BNC2: variants seen among roughly 807,000 people sequenced by gnomAD.
The protein encoded by BNC2 is zinc finger protein basonuclin-2.
BNC2 carries 20 observed loss-of-function variants against 76.3 expected under a neutral mutation model. That is an observed-to-expected ratio of 0.26 (90% CI 0.18 to 0.38). The LOEUF (loss-of-function observed/expected upper bound fraction) is 0.38. BNC2 is among the 10% of genes least tolerant of loss of function. BNC2 has a pLI of 1.00. For synonymous variants in BNC2, 582 were observed against 514.8 expected, an observed-to-expected ratio of 1.13 and a Z score of -1.77; for missense variants, 1,382 against 1,399.8, an observed-to-expected ratio of 0.99 and a Z score of 0.20.
rs1197152424 is a variant in BNC2 at position 16,583,010 on chromosome 9, G to C, written c.406C>G (p.Gln136Glu). Residue 136 changes from glutamine to glutamate, a missense_variant, in exon 4 of 7, where the codon CAG becomes GAG. Gln to Glu is a conservative substitution (Grantham distance 29, BLOSUM62 2). Transcript: ENST00000380672. ...PGKINLRTCDQCKHGWVAHAL... is the reference protein window; with the variant it reads ...PGKINLRTCDECKHGWVAHAL... ...TGTGCCACCCAGCCATGTTTACACT[G>C]ATCACAAGTCCTCAGGTTAATCTTC... 1.9e-6 allele frequency: 3 copies of C among 1,613,448 alleles called. No individual in the cohort carries two copies. In the South Asian group the frequency reaches 3.3e-5, roughly 18 times the overall value.
chr9:16,594,268 C>T (rs943526123), intron 3 of BNC2, among the ~76,000 whole-genome samples: 5 of 152,210 alleles, frequency 3.3e-5, no homozygotes, highest in Non-Finnish European at 4.4e-5. Context: ...ACTTTGGTGA[C>T]GAAGCAAAGA....
chr9:16,766,010 A>G (rs2135419220), intron 1 of BNC2, among the ~76,000 whole-genome samples: 1 of 152,108 alleles, frequency 6.6e-6, no homozygotes. Context: ...GATGTTCTCG[A>G]TCTCCTGACC....
chr9:16,829,058 G>T (rs371585776), intron 1 of BNC2, among the ~76,000 whole-genome samples: 3 of 152,124 alleles, frequency 2.0e-5, no homozygotes, highest in Non-Finnish European at 4.4e-5. Flanking sequence ...GGCACCAGGG[G>T]ACCTGGGGCC....
intron 3 of BNC2, among the ~76,000 whole-genome samples, chr9:16,620,809 T>C (rs1820845524): frequency 6.6e-6 from 1 of 152,176 alleles, no homozygotes; most frequent in Non-Finnish European, 1.5e-5. Context: ...TTTAAACTCC[T>C]TGAGCAGGAT....
At chr9:16,859,931 C>A (rs1351503913) in intron 1 of BNC2, among the ~76,000 whole-genome samples, 1 of 152,134 alleles carries the variant, frequency 6.6e-6, no homozygotes, top group African/African-American at 2.4e-5. Flanking sequence ...AACAGTCTGG[C>A]CAACATGGTG....
chr9:16,513,138 TAAAAA>T (rs749511417), intron 5 of BNC2, among the ~76,000 whole-genome samples: 143 of 151,256 alleles, frequency 9.5e-4, no homozygotes, highest in Non-Finnish European at 1.7e-3. Context: ...TCAAATGAAA[TAAAAA>T]AGAAAAGAAA....
intron 5 of BNC2, among the ~76,000 whole-genome samples, chr9:16,525,450 C>T (rs370046456): frequency 6.6e-6 from 1 of 151,824 alleles, no homozygotes; most frequent in Non-Finnish European, 1.5e-5. Context: ...CCTGAAAAGA[C>T]GTTTAGAAAA....
chr9:16,749,701 T>TA (rs58541493), intron 1 of BNC2, among the ~76,000 whole-genome samples: 24 of 144,030 alleles, frequency 1.7e-4, no homozygotes, highest in South Asian at 8.8e-4. Context: ...TCCTGTGCTT[T>TA]AAAAAAAAAA....
intron 5 of BNC2, among the ~76,000 whole-genome samples, chr9:16,499,420 T>C (rs558284422): frequency 6.6e-6 from 1 of 152,078 alleles, no homozygotes; most frequent in Non-Finnish European, 1.5e-5. Flanking sequence ...ATTTTAATTA[T>C]ACCACACTAA....
intron 1 of BNC2, among the ~76,000 whole-genome samples, chr9:16,798,935 G>C (rs1464929951): frequency 6.6e-6 from 1 of 152,062 alleles, no homozygotes; most frequent in African/African-American, 2.4e-5. Flanking sequence ...CCATGGGAAG[G>C]TGGCCCACAG....
chr9:16,545,570 C>T (rs910326144), intron 5 of BNC2, among the ~76,000 whole-genome samples: 1 of 152,134 alleles, frequency 6.6e-6, no homozygotes, highest in Admixed American at 6.5e-5. Context: ...CTGCATTAAG[C>T]TTTTCTGGTC....
chr9:16,801,002 C>T (rs1817767033), intron 1 of BNC2, among the ~76,000 whole-genome samples: 1 of 152,078 alleles, frequency 6.6e-6, no homozygotes. Flanking sequence ...AGAAAGATTA[C>T]ACAAAATAGA....
At chr9:16,512,856 C>T (rs1822790921) in intron 5 of BNC2, among the ~76,000 whole-genome samples, 2 of 152,044 alleles carry the variant, frequency 1.3e-5, no homozygotes, top group African/African-American at 4.8e-5. Context: ...TGAGATATGG[C>T]TGGGCGTGGT....
At chr9:16,453,026 T>C (rs1051586498) in intron 5 of BNC2, among the ~76,000 whole-genome samples, 1 of 152,150 alleles carries the variant, frequency 6.6e-6, no homozygotes, top group South Asian at 2.1e-4. Context: ...ACTGGACGGA[T>C]TTAAACAATG....
intron 3 of BNC2, among the ~76,000 whole-genome samples, chr9:16,659,956 G>C (rs1324574085): frequency 2.0e-5 from 3 of 152,198 alleles, no homozygotes; most frequent in Admixed American, 6.5e-5. Flanking sequence ...CAACCAAATA[G>C]ATGCCTGAAA....
In BNC2 at chr9:16,642,534, C is replaced by T. The variant is rs572112453; in HGVS notation, c.331-59449G>A. On this transcript the variant is annotated intron_variant, in intron 3 of 6. Transcript: ENST00000380672. The stretch of plus-strand genomic sequence containing the variant: ...ACTGACCAAACCACCCTTCCCACAG[C>T]ATGTGCCTCACTAAAATTTTTCTTT... 3.9e-5 allele frequency among the ~76,000 whole-genome samples: 6 copies of T among 152,330 alleles called. No homozygotes were observed. The South Asian group carries it at 6.2e-4, about 16-fold the overall frequency.
chr9:16,812,937 G>A (rs1389597188), intron 1 of BNC2, among the ~76,000 whole-genome samples: 10 of 152,124 alleles, frequency 6.6e-5, no homozygotes, highest in African/African-American at 1.9e-4. Flanking sequence ...GGCCGGGCGC[G>A]GTGGCTCACG....
intron 3 of BNC2, among the ~76,000 whole-genome samples, chr9:16,623,153 G>T (rs1820908628): frequency 6.6e-6 from 1 of 152,112 alleles, no homozygotes; most frequent in African/African-American, 2.4e-5. Context: ...GGAATACGTT[G>T]TTGGACATGT....
In BNC2 at chr9:16,414,611, G is replaced by C. The variant is rs1820545364; in HGVS notation, c.*4378C>G. On this transcript the variant is annotated 3_prime_UTR_variant, in exon 7 of 7. Coordinates refer to ENST00000380672, the MANE Select transcript of BNC2 (RefSeq NM_017637.6). ...TTGTTTCTTGATGATAGCAGATGTA[G>C]CGTGTCTTATGACAGGTGAATTTTA... 4 of 152,250 alleles carry C rather than the reference G, an allele frequency of 2.6e-5. No individual in the cohort carries two copies. The South Asian group carries it at 8.3e-4, about 32-fold the overall frequency. The allele number at this position is 152,250 out of a possible 1,614,324, so 9.4% of individuals were successfully genotyped here. A position where few individuals can be genotyped will look rare whatever the true frequency, so the allele number is the denominator to read the frequency against.
Sources: allele counts gnomAD v4.1 joint callset (sites outside exome capture counted in the v4.1 genomes callset), GRCh38; gene constraint gnomAD v4.1.1; transcripts MANE v1.5; gene names NCBI Gene and HGNC (gene_info 2026-07-23, HGNC 2026-07-21).